PHEX: variants seen among roughly 807,000 people sequenced by gnomAD.
The protein encoded by PHEX is phosphate-regulating neutral endopeptidase PHEX.
A neutral mutation model predicts 68.0 loss-of-function variants in PHEX; 16 were observed. The observed-to-expected ratio is 0.24, with a 90% CI of 0.16 to 0.36. PHEX has a LOEUF of 0.36. Among genes scored for constraint, PHEX ranks in the 10% least tolerant of loss-of-function variants. The probability of loss-of-function intolerance (pLI) is 1.00; values close to 1 mark genes in which losing one functional copy is unlikely to be tolerated. For missense variants in PHEX, 480 were observed against 575.5 expected, an observed-to-expected ratio of 0.83 and a Z score of 1.70; for synonymous variants, 208 against 205.1, an observed-to-expected ratio of 1.01 and a Z score of -0.12.
chrX:22,157,919 C>T lies in PHEX; in HGVS notation c.1405-10393C>T, dbSNP rs1398010965. 1.8e-5 allele frequency among the ~76,000 whole-genome samples: 2 copies of T among 111,740 alleles called. 1 individual carries two copies. The highest frequency in any genetic ancestry group is 1.9e-4 in the Admixed American group (2 of 10,510). ...TGGAAGTGCTTATCTATCTTCTACC[C>T]CTGTATGATGCATCTGCTTGTGGAC... On this transcript the variant is annotated intron_variant, in intron 12 of 21. Coordinates refer to ENST00000379374, the MANE Select transcript of PHEX (RefSeq NM_000444.6).
At chrX:22,063,767 A>ATAATT (rs1174584276) in intron 3 of PHEX, among the ~76,000 whole-genome samples, 1 of 112,905 alleles carries the variant, frequency 8.9e-6, no homozygotes, top group Non-Finnish European at 1.9e-5. Context: ...TTCATTTGGA[A>ATAATT]TAATTTCTAT....
At chrX:22,125,551 A>G (rs1421122504) in intron 11 of PHEX, among the ~76,000 whole-genome samples, 1 of 110,911 alleles carries the variant, frequency 9.0e-6, no homozygotes, top group Non-Finnish European at 1.9e-5. Context: ...ATATTTTTAA[A>G]CCATTCCAAG....
At chrX:22,039,201 T>C (rs1927162952) in intron 2 of PHEX, among the ~76,000 whole-genome samples, 1 of 112,247 alleles carries the variant, frequency 8.9e-6, no homozygotes, top group African/African-American at 3.2e-5. Context: ...ACTCCTGACC[T>C]CAAGTGATCC....
chrX:22,198,916 G>A (rs370678051), intron 15 of PHEX, among the ~76,000 whole-genome samples: 10 of 111,429 alleles, frequency 9.0e-5, no homozygotes, highest in East Asian at 8.4e-4. Flanking sequence ...CAATTATGGC[G>A]GACGGCGAAG....
At chrX:22,168,761 T>C (rs1223790597) in intron 13 of PHEX, among the ~76,000 whole-genome samples, 2 of 112,403 alleles carry the variant, frequency 1.8e-5, no homozygotes, top group African/African-American at 6.5e-5. Flanking sequence ...TTCATTCGTA[T>C]TAAATGAATA....
intron 21 of PHEX, 81 bp downstream of exon 21, chrX:22,245,490 A>T (rs1936366594): frequency 3.0e-6 from 2 of 665,616 alleles, no homozygotes; most frequent in Non-Finnish European, 5.0e-6. Context: ...CAAGGGCTCT[A>T]CCAGATAGGT....
chrX:22,147,298 G>C (rs749453928), intron 12 of PHEX, among the ~76,000 whole-genome samples: 36 of 110,619 alleles, frequency 3.3e-4, no homozygotes, highest in African/African-American at 1.2e-3. Flanking sequence ...GAATGTTCAG[G>C]CTTTCTGTGT....
intron 13 of PHEX, chrX:22,172,025 G>T (rs1475259308): frequency 8.9e-6 from 1 of 112,178 alleles, no homozygotes; most frequent in Non-Finnish European, 1.9e-5. Flanking sequence ...AAATGAGATA[G>T]AATTAAGAGG....
intron 9 of PHEX, among the ~76,000 whole-genome samples, chrX:22,111,048 A>G (rs917901025): frequency 1.8e-5 from 2 of 112,778 alleles, no homozygotes; most frequent in Admixed American, 9.3e-5. Context: ...CTACACAGAC[A>G]GTGACCCTGG....
intron 20 of PHEX, among the ~76,000 whole-genome samples, chrX:22,232,576 G>A (rs1569436884): frequency 1.3e-5 from 1 of 76,788 alleles, no homozygotes; most frequent in Non-Finnish European, 2.5e-5. Context: ...TTTTATCAGA[G>A]ATTAGGATTG....
At chrX:22,207,924 A>T (rs1018385112) in intron 15 of PHEX, among the ~76,000 whole-genome samples, 2 of 110,724 alleles carry the variant, frequency 1.8e-5, no homozygotes, top group Non-Finnish European at 3.8e-5. Flanking sequence ...TCTAGGGTAC[A>T]TGTGCACAAT....
chrX:22,038,630 G>C, intron 2 of PHEX, 93 bp downstream of exon 2: 1 of 635,026 alleles, frequency 1.6e-6, no homozygotes, highest in South Asian at 2.2e-5. Context: ...TATTCTGTTT[G>C]CTTGAGGTTT....
intron 12 of PHEX, among the ~76,000 whole-genome samples, chrX:22,134,534 A>C (rs1005047391): frequency 8.9e-6 from 1 of 112,568 alleles, no homozygotes; most frequent in African/African-American, 3.2e-5. Context: ...CGGAGGTTGC[A>C]GTGAGTTGAG....
Position 22,250,557 on chromosome X carries a change from G to GAGTT in PHEX, c.*2607_*2610dup, listed in dbSNP as rs1285053829. 3.6e-5 allele frequency: 4 copies of GAGTT among 112,046 alleles called. No individual in the cohort carries two copies. Among genetic ancestry groups the GAGTT allele is most frequent in the African/African-American group, 1.3e-4 (4 of 30,801 alleles). The allele number at this position is 112,046 out of a possible 1,213,427, so 9.2% of individuals were successfully genotyped here. ...CGAACTGTTGTCTGGGCATTGGAAGGAGTTAGGTTTTTTGTGTTTGTGAAA... is the reference window on the plus strand; with the variant it reads ...CGAACTGTTGTCTGGGCATTGGAAGGAGTTAGTTAGGTTTTTTGTGTTTGTGAAA... On this transcript the variant is annotated 3_prime_UTR_variant, in exon 22 of 22. Coordinates refer to ENST00000379374, the MANE Select transcript of PHEX (RefSeq NM_000444.6).
chrX:22,052,613 A>G (rs978763100), intron 3 of PHEX, among the ~76,000 whole-genome samples: 6 of 111,951 alleles, frequency 5.4e-5, no homozygotes, highest in African/African-American at 1.9e-4. Context: ...TTGGAACATG[A>G]GTTTAGAAAC....
At chrX:22,146,473 T>C (rs1932699383) in intron 12 of PHEX, among the ~76,000 whole-genome samples, 1 of 112,022 alleles carries the variant, frequency 8.9e-6, no homozygotes, top group Non-Finnish European at 1.9e-5. Flanking sequence ...CAAATAATGC[T>C]AGTGTTGAGG....
chrX:22,076,876 C>T (rs1405270971), intron 4 of PHEX, among the ~76,000 whole-genome samples: 1 of 111,821 alleles, frequency 8.9e-6, no homozygotes, highest in East Asian at 2.8e-4. Flanking sequence ...GTTCCTGTGT[C>T]AGCCTAACAG....
At position 22,032,668 on chromosome X, in the gene PHEX, T is replaced by C. The variant is rs1569364566; in HGVS notation, c.-338T>C. ...TACATTTAAATAGCTAAAACATCTG[T>C]TCAGCAACATAGTAAAACATATATA... is the stretch of plus-strand genomic sequence containing the variant. On this transcript the variant is annotated 5_prime_UTR_variant, in exon 1 of 22. Coordinates refer to ENST00000379374, the MANE Select transcript of PHEX (RefSeq NM_000444.6). 8.4e-6 allele frequency: 2 copies of C among 236,884 alleles called. No individual in the cohort carries two copies. The highest frequency in any genetic ancestry group is 1.9e-4 in the East Asian group (2 of 10,605). The allele number at this position is 236,884 out of a possible 1,213,427, so 19.5% of individuals were successfully genotyped here.
At chrX:22,190,146 A>G (rs1934151215) in intron 14 of PHEX, among the ~76,000 whole-genome samples, 1 of 112,026 alleles carries the variant, frequency 8.9e-6, no homozygotes, top group African/African-American at 3.2e-5. Flanking sequence ...AGATTCTAGA[A>G]TTTCTCTTTA....
Sources: allele counts gnomAD v4.1 joint callset (sites outside exome capture counted in the v4.1 genomes callset), GRCh38; gene constraint gnomAD v4.1.1; transcripts MANE v1.5; gene names NCBI Gene and HGNC (gene_info 2026-07-23, HGNC 2026-07-21).